SIK3: variants seen among roughly 807,000 people sequenced by gnomAD.
SIK3 encodes the protein serine/threonine-protein kinase SIK3.
A neutral mutation model predicts 144.2 loss-of-function variants in SIK3; 28 were observed. The ratio of observed to expected loss-of-function variants is 0.19; its 90% CI spans 0.14 to 0.27. The LOEUF (loss-of-function observed/expected upper bound fraction) is 0.27. Among genes scored for constraint, SIK3 ranks in the 10% least tolerant of loss-of-function variants. The pLI, the probability that SIK3 is intolerant of heterozygous loss-of-function variation, is 1.00. For missense variants in SIK3, 1,319 were observed against 1,776.0 expected, an observed-to-expected ratio of 0.74 and a Z score of 4.62; for synonymous variants, 686 against 676.3, an observed-to-expected ratio of 1.01 and a Z score of -0.22.
intron 1 of SIK3, among the ~76,000 whole-genome samples, chr11:116,961,885 GA>G (rs1949361544): frequency 6.6e-6 from 1 of 151,872 alleles, no homozygotes; most frequent in Non-Finnish European, 1.5e-5. Flanking sequence ...CATGTGGTAG[GA>G]AAAAAATTAA....
intron 14 of SIK3, chr11:116,869,985 T>G (rs1943877834): frequency 2.9e-6 from 2 of 680,584 alleles, no homozygotes; most frequent in Non-Finnish European, 4.4e-6. Flanking sequence ...CAATTCCTTT[T>G]CAGTAAACAG....
intron 4 of SIK3, among the ~76,000 whole-genome samples, chr11:116,903,535 GA>G (rs1945850213): frequency 6.6e-6 from 1 of 152,160 alleles, no homozygotes; most frequent in Non-Finnish European, 1.5e-5. Context: ...AAAGAATGAG[GA>G]AGAATTCTCA....
Position 116,846,055 on chromosome 11 carries a change from G to A in SIK3, c.*13+328C>T, listed in dbSNP as rs990131129. Among the ~76,000 whole-genome samples, 2 of 152,182 alleles carry A rather than the reference G, an allele frequency of 1.3e-5. No individual in the cohort carries two copies. The highest frequency in any genetic ancestry group is 2.9e-5 in the Non-Finnish European group (2 of 68,030). ...TCCTTTCCTCATTATGCTGACCGGA[G>A]GTCACCTGCATCCTCTGGAGCCGTA... On this transcript the variant is annotated intron_variant, in intron 24 of 24. Coordinates refer to ENST00000445177, the MANE Select transcript of SIK3 (RefSeq NM_001366686.3). This position sits in a 1 kb window ranked among gnomAD's most constrained non-coding sequence, Gnocchi z 4.1.
At chr11:116,875,768 G>A (rs1246128309) in intron 9 of SIK3, 98 bp downstream of exon 9, 2 of 1,386,612 alleles carry the variant, frequency 1.4e-6, no homozygotes, top group African/African-American at 2.9e-5. Flanking sequence ...AGGTAAGGAA[G>A]AGCAAGAAAC....
At position 116,867,988 on chromosome 11, in the gene SIK3, C is replaced by A. The variant is rs1401078411; in HGVS notation, c.1910G>T (p.Arg637Leu). ...CAGGTGAGGAGGCCAGACCCGGGAA[C>A]GGAAAGGCTGCTGTCCTAGCTGCCG... ...LQRQLGQQPF[R>L]SRVWPPHLVP... The change falls in exon 15 of 25, where the codon CGT becomes CTT. Residue 637 changes from arginine to leucine, a missense_variant. Physicochemically the swap from Arg to Leu is moderately radical, Grantham distance 102. Around this residue, in one of 8 missense-constraint regions of SIK3, gnomAD observed 47 missense variants for 40.2 expected, o/e 1.17. Coordinates refer to ENST00000445177, the MANE Select transcript of SIK3 (RefSeq NM_001366686.3). The surrounding 1 kb of genome is among the most constrained non-coding windows in gnomAD (Gnocchi z 4.1). The A allele has an allele frequency of 1.3e-6, 2 of 1,550,102 alleles. No individual in the cohort carries two copies. The highest frequency in any genetic ancestry group is 1.7e-6 in the Non-Finnish European group (2 of 1,146,710).
At chr11:116,928,953 C>T (rs1015488822) in intron 3 of SIK3, among the ~76,000 whole-genome samples, 1 of 152,154 alleles carries the variant, frequency 6.6e-6, no homozygotes, top group Non-Finnish European at 1.5e-5. Flanking sequence ...AAGAAGTCTT[C>T]CACTTAGCAG....
rs772144219 is a variant in SIK3, at chr11:116,876,255, G to T, written c.1093C>A (p.Gln365Lys). 4 of 1,612,740 alleles carry T rather than the reference G, an allele frequency of 2.5e-6. No homozygotes were observed. Reference protein sequence around the residue: ...DMGLDKEQTLQSLRSDAYDHY... With the variant: ...DMGLDKEQTLKSLRSDAYDHY... Reference sequence around the variant, plus strand: ...GTTCTCCACTCCTTCGGAGATACCTGCAGTGTCTGTTCTTTGTCCAGTCCC... The same window carrying T: ...GTTCTCCACTCCTTCGGAGATACCTTCAGTGTCTGTTCTTTGTCCAGTCCC... Residue 365 changes from glutamine to lysine, a missense_variant and splice_region_variant, in exon 8 of 25, where the codon CAG (glutamine) becomes AAG (lysine). Physicochemically the swap from Gln to Lys is moderately conservative, Grantham distance 53. Coordinates refer to ENST00000445177, the MANE Select transcript of SIK3 (RefSeq NM_001366686.3).
At chr11:116,898,401 T>A (rs1211039580) in intron 4 of SIK3, among the ~76,000 whole-genome samples, 1 of 151,766 alleles carries the variant, frequency 6.6e-6, no homozygotes, top group East Asian at 1.9e-4. Flanking sequence ...TGGTTCCAAG[T>A]CTTTGCTATT....
At chr11:116,956,150 A>T (rs1418927762) in intron 2 of SIK3, among the ~76,000 whole-genome samples, 1 of 152,098 alleles carries the variant, frequency 6.6e-6, no homozygotes, top group Non-Finnish European at 1.5e-5. Flanking sequence ...CTGCCAACAC[A>T]TTGCAATTTG....
chr11:116,936,714 T>C (rs1306097713), intron 3 of SIK3, among the ~76,000 whole-genome samples: 1 of 152,260 alleles, frequency 6.6e-6, no homozygotes, highest in Non-Finnish European at 1.5e-5. Flanking sequence ...TTTACATTGT[T>C]ACCAGTTATT....
At chr11:116,965,747 A>AAAAC in intron 1 of SIK3, among the ~76,000 whole-genome samples, 1 of 5,382 alleles carries the variant, frequency 1.9e-4, no homozygotes, top group African/African-American at 4.3e-4. Flanking sequence ...ATATATATAT[A>AAAAC]TATATATATA....
At chr11:117,073,839 AC>A in intron 1 of SIK3, among the ~76,000 whole-genome samples, 1 of 152,308 alleles carries the variant, frequency 6.6e-6, no homozygotes, top group Non-Finnish European at 1.5e-5. Flanking sequence ...TTATCTCCTT[AC>A]CATTAACATG....
At chr11:117,070,595 C>T (rs1262681117) in intron 1 of SIK3, among the ~76,000 whole-genome samples, 1 of 151,998 alleles carries the variant, frequency 6.6e-6, no homozygotes, top group Non-Finnish European at 1.5e-5. Context: ...GACAGGCGCC[C>T]GCCATCACAC....
chr11:116,936,470 C>G (rs1271412989), intron 3 of SIK3, among the ~76,000 whole-genome samples: 2 of 152,224 alleles, frequency 1.3e-5, no homozygotes, highest in African/African-American at 2.4e-5. Context: ...GCCACAGCAC[C>G]TGGCCTGAAC....
In SIK3 at chr11:117,061,382, T is replaced by C. The variant is rs192884754; in HGVS notation, c.273+36761A>G. Among the ~76,000 whole-genome samples the C allele has an allele frequency of 2.6e-5, 4 of 151,862 alleles. No homozygotes were observed. In the East Asian group the frequency reaches 5.8e-4, roughly 22 times the overall value. On this transcript the variant is annotated intron_variant, in intron 1 of 24. Coordinates refer to ENST00000445177, the MANE Select transcript of SIK3 (RefSeq NM_001366686.3). ...GTGGTAAAGCAATATATTCGAGAGG[T>C]TCAGAGTGCAAACTCTGCTTGGGCT...
chr11:116,967,324 G>A (rs1949595790), intron 1 of SIK3, among the ~76,000 whole-genome samples: 1 of 152,184 alleles, frequency 6.6e-6, no homozygotes, highest in South Asian at 2.1e-4. Flanking sequence ...GGCTCCAGCT[G>A]AAAAGAGAGC....
chr11:117,068,846 T>C (rs1478388951), intron 1 of SIK3, among the ~76,000 whole-genome samples: 1 of 152,226 alleles, frequency 6.6e-6, no homozygotes, highest in Admixed American at 6.5e-5. Context: ...ATATGACATA[T>C]AATTTTAAAC....
intron 4 of SIK3, among the ~76,000 whole-genome samples, chr11:116,917,761 CGA>C (rs1461915325): frequency 8.3e-5 from 11 of 132,994 alleles, no homozygotes; most frequent in Non-Finnish European, 1.5e-5. Context: ...GGAAAGAGAG[CGA>C]GAGAGAAAGA....
At chr11:116,987,232 G>C (rs1377909898) in intron 1 of SIK3, among the ~76,000 whole-genome samples, 1 of 151,614 alleles carries the variant, frequency 6.6e-6, no homozygotes, top group Non-Finnish European at 1.5e-5. Flanking sequence ...ATTCAAATTA[G>C]GGTTAAAACT....
Sources: gnomAD v4.1 joint callset for allele counts (sites outside exome capture counted in the v4.1 genomes callset) on GRCh38, gnomAD v4.1.1 for gene constraint, gnomAD v4.1.1 regional missense constraint, Gnocchi (gnomAD v3.1) non-coding constraint, MANE v1.5 for transcripts, NCBI Gene and HGNC (gene_info 2026-07-23, HGNC 2026-07-21) for gene names.